Variants in CSMD1 observed in about 807,000 individuals in gnomAD.
The protein encoded by CSMD1 is CUB and Sushi multiple domains 1, also known as CUB and sushi domain-containing protein 1.
A neutral mutation model predicts 417.5 loss-of-function variants in CSMD1; 213 were observed. The observed-to-expected ratio is 0.51, with a 90% CI of 0.46 to 0.57. The LOEUF (loss-of-function observed/expected upper bound fraction) is 0.57. Ranked by LOEUF, CSMD1 falls within the 20% of genes least tolerant of loss-of-function variation. The probability of loss-of-function intolerance (pLI) is 0.00; values close to 1 mark genes in which losing one functional copy is unlikely to be tolerated. For missense variants in CSMD1, 6,923 were observed against 4,529.7 expected, an observed-to-expected ratio of 1.53 and a Z score of -15.17; for synonymous variants, 2,862 against 1,736.8, an observed-to-expected ratio of 1.65 and a Z score of -16.11.
intron 5 of CSMD1, among the ~76,000 whole-genome samples, chr8:3,755,831 G>T (rs1346071569): frequency 2.0e-5 from 3 of 152,068 alleles, no homozygotes; most frequent in Non-Finnish European, 4.4e-5. Context: ...GAAGTACACT[G>T]CTCAGATTTG....
chr8:4,823,221 A>G (rs965610181), intron 1 of CSMD1, among the ~76,000 whole-genome samples: 50 of 152,136 alleles, frequency 3.3e-4, no homozygotes, highest in African/African-American at 1.2e-3. Context: ...CCAAATGTCT[A>G]AACTCTTTAA....
intron 11 of CSMD1, among the ~76,000 whole-genome samples, chr8:3,479,632 C>G (rs35061608): frequency 0.44 from 67,314 of 152,024 alleles, 15,518 homozygotes; most frequent in Non-Finnish European, 0.52. Context: ...CAAAAAACCA[C>G]AGTTGCTTTT....
At chr8:3,173,680 C>A (rs1820724348) in intron 37 of CSMD1, among the ~76,000 whole-genome samples, 1 of 152,178 alleles carries the variant, frequency 6.6e-6, no homozygotes. Flanking sequence ...CGTCTCAGTG[C>A]ACAGAATGAA....
chr8:4,719,867 G>A (rs1197138154), intron 1 of CSMD1, among the ~76,000 whole-genome samples: 1 of 151,916 alleles, frequency 6.6e-6, no homozygotes, highest in African/African-American at 2.4e-5. Flanking sequence ...TATGGGAAAG[G>A]ACTCCCTATG....
At chr8:4,166,821 C>T (rs1036342633) in intron 3 of CSMD1, among the ~76,000 whole-genome samples, 25 of 152,194 alleles carry the variant, frequency 1.6e-4, no homozygotes, top group African/African-American at 4.3e-4. Flanking sequence ...CAATATTTTA[C>T]ACTACTTATC....
chr8:3,002,244 A>G (rs1224541083), intron 52 of CSMD1, among the ~76,000 whole-genome samples: 1 of 152,232 alleles, frequency 6.6e-6, no homozygotes, highest in Non-Finnish European at 1.5e-5. Flanking sequence ...TGAAGGCACA[A>G]GTGTTATCAC....
chr8:4,453,320 T>C (rs989092504), intron 2 of CSMD1, among the ~76,000 whole-genome samples: 3 of 151,914 alleles, frequency 2.0e-5, no homozygotes, highest in Non-Finnish European at 4.4e-5. Flanking sequence ...TCCCCAAGAA[T>C]TCAGACTCCC....
At chr8:3,056,375 T>C (rs73490407) in intron 49 of CSMD1, among the ~76,000 whole-genome samples, 4,424 of 152,284 alleles carry the variant, frequency 0.029, 100 homozygotes, top group Middle Eastern at 0.078. Context: ...TGTTTTTTTC[T>C]TTTTTTCTTT....
At chr8:3,321,962 C>A (rs1229142153) in intron 23 of CSMD1, among the ~76,000 whole-genome samples, 2 of 152,184 alleles carry the variant, frequency 1.3e-5, no homozygotes, top group Admixed American at 1.3e-4. Context: ...GGAACCTACA[C>A]AGTTTCATAA....
intron 26 of CSMD1, among the ~76,000 whole-genome samples, chr8:3,258,014 G>C (rs1184986514): frequency 6.6e-6 from 1 of 152,180 alleles, no homozygotes; most frequent in African/African-American, 2.4e-5. Flanking sequence ...CAGGAGATTG[G>C]AGGAGACTCA....
At chr8:4,528,447 T>C (rs926225383) in intron 2 of CSMD1, among the ~76,000 whole-genome samples, 6 of 152,182 alleles carry the variant, frequency 3.9e-5, no homozygotes, top group Non-Finnish European at 8.8e-5. Flanking sequence ...ACCACAGATA[T>C]GAAAATACTC....
chr8:4,392,962 C>G (rs930106832), intron 3 of CSMD1, among the ~76,000 whole-genome samples: 2 of 151,954 alleles, frequency 1.3e-5, no homozygotes, highest in Admixed American at 1.3e-4. Context: ...CGGTGGGACA[C>G]TGTGTCAAAA....
At chr8:3,179,737 G>T (rs1438702209) in intron 37 of CSMD1, among the ~76,000 whole-genome samples, 1 of 152,084 alleles carries the variant, frequency 6.6e-6, no homozygotes, top group African/African-American at 2.4e-5. Flanking sequence ...CATAAACAAG[G>T]CTTATGTTTT....
chr8:4,431,616 A>G (rs1384156479), intron 2 of CSMD1, among the ~76,000 whole-genome samples: 1 of 152,282 alleles, frequency 6.6e-6, no homozygotes, highest in East Asian at 1.9e-4. Context: ...ACCAAAACCA[A>G]AACGAAAAAC....
At chr8:4,682,264 A>G (rs1806100335) in intron 1 of CSMD1, among the ~76,000 whole-genome samples, 2 of 152,104 alleles carry the variant, frequency 1.3e-5, no homozygotes, top group Non-Finnish European at 2.9e-5. Flanking sequence ...TCCTGGGGCT[A>G]AAGCAATCCA....
intron 3 of CSMD1, among the ~76,000 whole-genome samples, chr8:4,289,677 A>T (rs1797253194): frequency 6.6e-6 from 1 of 152,168 alleles, no homozygotes; most frequent in Admixed American, 6.6e-5. Flanking sequence ...TGTGCTCAAG[A>T]CATGAGCAAA....
intron 26 of CSMD1, among the ~76,000 whole-genome samples, chr8:3,256,600 G>A (rs1416578988): frequency 1.3e-5 from 2 of 152,132 alleles, no homozygotes; most frequent in Admixed American, 6.5e-5. Context: ...AACAACACTG[G>A]CTGTTTCTTA....
At position 3,960,162 on chromosome 8, in the gene CSMD1, C is replaced by A. The variant is rs1812226782; in HGVS notation, c.818+37741G>T. Among the ~76,000 whole-genome samples the A allele has an allele frequency of 1.3e-5, 2 of 152,166 alleles. 1 individual carries two copies. The highest frequency in any genetic ancestry group is 4.1e-4 in the South Asian group (2 of 4,828). ...CTTACAGACATTTTTTACAGCGTAT[C>A]TTCTTGTATGTTGCCTTTACTTGTG... On this transcript the variant is annotated intron_variant, in intron 5 of 69. Coordinates refer to ENST00000635120, the MANE Select transcript of CSMD1 (RefSeq NM_033225.6).
chr8:4,271,981 G>A (rs959302252), intron 3 of CSMD1, among the ~76,000 whole-genome samples: 4 of 152,062 alleles, frequency 2.6e-5, no homozygotes, highest in African/African-American at 9.7e-5. Flanking sequence ...TCCCTATATA[G>A]ATGGATTTCA....
Sources: gnomAD v4.1 joint callset for allele counts (sites outside exome capture counted in the v4.1 genomes callset) on GRCh38, gnomAD v4.1.1 for gene constraint, MANE v1.5 for transcripts, NCBI Gene and HGNC (gene_info 2026-07-23, HGNC 2026-07-21) for gene names.